The following ANTXR1 variants were observed in gnomAD, a reference collection of about 807,000 sequenced individuals.
The protein encoded by ANTXR1 is ANTXR cell adhesion molecule 1.
A neutral mutation model predicts 78.1 loss-of-function variants in ANTXR1; 19 were observed. That is an observed-to-expected ratio of 0.24 (90% CI 0.17 to 0.36). The LOEUF is 0.36. Ranked by LOEUF, ANTXR1 falls within the 10% of genes least tolerant of loss-of-function variation. The pLI is 1.00. For synonymous variants in ANTXR1, 273 were observed against 260.5 expected, an observed-to-expected ratio of 1.05 and a Z score of -0.46; for missense variants, 518 against 718.6, an observed-to-expected ratio of 0.72 and a Z score of 3.19.
At chr2:69,170,343 G>A in intron 14 of ANTXR1, 54 bp downstream of exon 14, 1 of 1,607,136 alleles carries the variant, frequency 6.2e-7, no homozygotes, top group Admixed American at 1.7e-5. Flanking sequence ...GAGTAGGGTG[G>A]AGAGCTGGCT....
At chr2:69,172,281 C>T in intron 14 of ANTXR1, 1 of 1,137,892 alleles carries the variant, frequency 8.8e-7, no homozygotes, top group Non-Finnish European at 1.3e-6. Context: ...GCATCAGGCG[C>T]TTTTTGGCAT....
intron 1 of ANTXR1, among the ~76,000 whole-genome samples, chr2:69,034,624 C>G (rs11902921): frequency 0.061 from 9,363 of 152,264 alleles, 949 homozygotes; most frequent in African/African-American, 0.21. Flanking sequence ...CTGCAACTCT[C>G]TGTGACTACA....
intron 9 of ANTXR1, among the ~76,000 whole-genome samples, chr2:69,099,723 A>G (rs1344801916): frequency 6.6e-6 from 1 of 152,196 alleles, no homozygotes; most frequent in Non-Finnish European, 1.5e-5. Flanking sequence ...GGACCTTATT[A>G]AGCCTCAGAA....
intron 9 of ANTXR1, among the ~76,000 whole-genome samples, chr2:69,093,339 G>A (rs1385842046): frequency 6.6e-6 from 1 of 152,150 alleles, no homozygotes; most frequent in African/African-American, 2.4e-5. Context: ...AAAATTAATA[G>A]ACAAAGATAG....
intron 13 of ANTXR1, among the ~76,000 whole-genome samples, chr2:69,160,142 A>G (rs1673639452): frequency 6.6e-6 from 1 of 152,176 alleles, no homozygotes; most frequent in African/African-American, 2.4e-5. Flanking sequence ...GCCTCAGGCT[A>G]CAGCTGACAA....
chr2:69,198,859 T>C (rs1292810652), intron 17 of ANTXR1, among the ~76,000 whole-genome samples: 2 of 152,210 alleles, frequency 1.3e-5, no homozygotes. Context: ...GGGCCATATG[T>C]TATATTAAAT....
chr2:69,077,321 G>A (rs1459746382), intron 7 of ANTXR1, 87 bp from the exon 8 acceptor site: 2 of 1,391,296 alleles, frequency 1.4e-6, no homozygotes, highest in East Asian at 2.3e-5. Flanking sequence ...TATAACTAGA[G>A]CCCCTTAGCC....
At chr2:69,213,435 G>C (rs140878810) in intron 17 of ANTXR1, among the ~76,000 whole-genome samples, 1 of 152,148 alleles carries the variant, frequency 6.6e-6, no homozygotes, top group Non-Finnish European at 1.5e-5. Flanking sequence ...ATGGCCAGTC[G>C]GTTTAACAAA....
intron 9 of ANTXR1, among the ~76,000 whole-genome samples, chr2:69,092,806 C>G (rs1453160482): frequency 2.6e-5 from 4 of 152,200 alleles, no homozygotes; most frequent in Non-Finnish European, 5.9e-5. Context: ...AAATTCACCT[C>G]TGGGCTTTGT....
chr2:69,236,989 T>C (rs551569191), intron 17 of ANTXR1, among the ~76,000 whole-genome samples: 1 of 152,328 alleles, frequency 6.6e-6, no homozygotes, highest in Non-Finnish European at 1.5e-5. Flanking sequence ...TTTTTGTGTA[T>C]TTTTCAAATT....
At chr2:69,124,442 GAA>G (rs1234099446) in intron 11 of ANTXR1, 121 bp from the exon 12 acceptor site, 87 of 863,410 alleles carry the variant, frequency 1.0e-4, no homozygotes, top group Non-Finnish European at 1.7e-4. Context: ...CTCCCCTGGA[GAA>G]GAGACTCCAG....
chr2:69,142,781 T>C (rs780810195), intron 12 of ANTXR1, among the ~76,000 whole-genome samples: 8 of 152,014 alleles, frequency 5.3e-5, no homozygotes, highest in Non-Finnish European at 1.0e-4. Flanking sequence ...GAGGTATGTA[T>C]GGGGAGCTAA....
chr2:69,014,544 CT>C, intron 1 of ANTXR1, among the ~76,000 whole-genome samples: 1 of 152,256 alleles, frequency 6.6e-6, no homozygotes, highest in Middle Eastern at 3.4e-3. Flanking sequence ...CAATGAAGCA[CT>C]TCCCAAATCC....
At chr2:69,038,281 G>T (rs945926954) in intron 1 of ANTXR1, among the ~76,000 whole-genome samples, 1 of 152,144 alleles carries the variant, frequency 6.6e-6, no homozygotes, top group Non-Finnish European at 1.5e-5. Context: ...AGTGCTGGGT[G>T]ATGTTATTTT....
chr2:69,233,428 G>GA (rs1036147508), intron 17 of ANTXR1, among the ~76,000 whole-genome samples: 2 of 151,346 alleles, frequency 1.3e-5, no homozygotes, highest in South Asian at 4.2e-4. Flanking sequence ...ATTTTTATTA[G>GA]AAAAAAATTT....
At chr2:69,226,843 T>C (rs1403144936) in intron 17 of ANTXR1, among the ~76,000 whole-genome samples, 1 of 152,050 alleles carries the variant, frequency 6.6e-6, no homozygotes, top group Non-Finnish European at 1.5e-5. Context: ...AACATATATA[T>C]TTTTTTTCCT....
chr2:69,211,465 A>T (rs547254650), intron 17 of ANTXR1, among the ~76,000 whole-genome samples: 20 of 151,950 alleles, frequency 1.3e-4, no homozygotes, highest in African/African-American at 4.8e-4. Context: ...AAAGAACTAC[A>T]CTCCCTTAAA....
Position 69,203,374 on chromosome 2 carries a change from G to C in ANTXR1, c.1434+9959G>C, listed in dbSNP as rs1674820022. On this transcript the variant is annotated intron_variant, in intron 17 of 17. Coordinates refer to ENST00000303714, the MANE Select transcript of ANTXR1 (RefSeq NM_032208.3). Reference sequence around the variant, plus strand: ...CCTCTCCTTTGCTGTCTCATTGGAGGGGGACATGAGTACTTAGAATTTTTG... The same window carrying C: ...CCTCTCCTTTGCTGTCTCATTGGAGCGGGACATGAGTACTTAGAATTTTTG... 1.3e-5 allele frequency among the ~76,000 whole-genome samples: 2 copies of C among 152,126 alleles called. 1 individual carries two copies. The highest frequency in any genetic ancestry group is 4.1e-4 in the South Asian group (2 of 4,822).
intron 17 of ANTXR1, among the ~76,000 whole-genome samples, chr2:69,202,755 G>A (rs1243146752): frequency 6.6e-6 from 1 of 152,178 alleles, no homozygotes; most frequent in Non-Finnish European, 1.5e-5. Flanking sequence ...GAGTGGAGGA[G>A]CTGGAACTGG....
Sources: gnomAD v4.1 joint callset for allele counts (sites outside exome capture counted in the v4.1 genomes callset) on GRCh38, gnomAD v4.1.1 for gene constraint, MANE v1.5 for transcripts, NCBI Gene and HGNC (gene_info 2026-07-23, HGNC 2026-07-21) for gene names.